The following PLCB1 variants were observed in gnomAD, a reference collection of about 807,000 sequenced individuals.
PLCB1 encodes phospholipase C beta 1.
A neutral mutation model predicts 161.8 loss-of-function variants in PLCB1; 46 were observed. The observed-to-expected ratio is 0.28, with a 90% CI of 0.22 to 0.36. The LOEUF (loss-of-function observed/expected upper bound fraction) is 0.36. PLCB1 is among the 10% of genes least tolerant of loss of function. The pLI, the probability that PLCB1 is intolerant of heterozygous loss-of-function variation, is 1.00. For synonymous variants in PLCB1, 517 were observed against 503.7 expected (o/e 1.03, Z -0.35); for missense variants, 1,016 against 1,472.5 (o/e 0.69, Z 5.07).
chr20:8,297,892 GTTT>G (rs749268293), intron 2 of PLCB1, among the ~76,000 whole-genome samples: 1 of 132,704 alleles, frequency 7.5e-6, no homozygotes, highest in Admixed American at 7.7e-5. Flanking sequence ...TTCTTTTTGG[GTTT>G]TTTTTTTTTT....
intron 4 of PLCB1, among the ~76,000 whole-genome samples, chr20:8,635,293 A>G (rs147694382): frequency 2.6e-5 from 4 of 152,232 alleles, no homozygotes; most frequent in African/African-American, 7.2e-5. Context: ...AAGGGGAAGG[A>G]GAAGGGAAAG....
At chr20:8,260,990 G>A (rs6133560) in intron 2 of PLCB1, among the ~76,000 whole-genome samples, 1 of 152,072 alleles carries the variant, frequency 6.6e-6, no homozygotes, top group Admixed American at 6.6e-5. Flanking sequence ...AGAAAGCACG[G>A]CTGCCTTGCC....
At chr20:8,533,477 C>A (rs1429096677) in intron 3 of PLCB1, among the ~76,000 whole-genome samples, 2 of 152,096 alleles carry the variant, frequency 1.3e-5, no homozygotes, top group African/African-American at 4.8e-5. Context: ...TACAGTCCCA[C>A]CAACAGTGTA....
At chr20:8,437,648 A>G (rs1600399916) in intron 3 of PLCB1, among the ~76,000 whole-genome samples, 1 of 152,174 alleles carries the variant, frequency 6.6e-6, no homozygotes, top group East Asian at 1.9e-4. Flanking sequence ...TATTTCTACC[A>G]TTATTTGTAC....
At chr20:8,568,998 T>C (rs1373114543) in intron 3 of PLCB1, among the ~76,000 whole-genome samples, 2 of 152,182 alleles carry the variant, frequency 1.3e-5, no homozygotes, top group African/African-American at 4.8e-5. Context: ...CTTACTGTTA[T>C]CCCACATGAG....
chr20:8,374,858 C>T (rs1236968847), intron 3 of PLCB1, among the ~76,000 whole-genome samples: 1 of 152,098 alleles, frequency 6.6e-6, no homozygotes, highest in South Asian at 2.1e-4. Flanking sequence ...TACCCAGGCA[C>T]CCCACAAATA....
At chr20:8,426,804 A>G (rs558675203) in intron 3 of PLCB1, among the ~76,000 whole-genome samples, 1 of 152,358 alleles carries the variant, frequency 6.6e-6, no homozygotes, top group South Asian at 2.1e-4. Flanking sequence ...TAAACCTCAA[A>G]TATATACAAT....
chr20:8,741,375 C>A, intron 22 of PLCB1, 89 bp from the exon 23 acceptor site: 2 of 829,688 alleles, frequency 2.4e-6, no homozygotes, highest in Non-Finnish European at 2.0e-6. Flanking sequence ...AATGCATGGA[C>A]TGATGGTCAG....
At chr20:8,572,521 A>G (rs1053656441) in intron 3 of PLCB1, among the ~76,000 whole-genome samples, 6 of 152,226 alleles carry the variant, frequency 3.9e-5, no homozygotes, top group African/African-American at 1.4e-4. Context: ...CTGGAGATGT[A>G]ACACTTTTAT....
intron 4 of PLCB1, among the ~76,000 whole-genome samples, chr20:8,630,016 C>CTTTT (rs1988531584): frequency 1.1e-5 from 1 of 90,598 alleles, no homozygotes; most frequent in Non-Finnish European, 2.2e-5. Context: ...CTTTCTCTTT[C>CTTTT]TTCTTTCCTT....
chr20:8,746,743 A>G (rs1222103851), intron 23 of PLCB1, among the ~76,000 whole-genome samples: 1 of 152,240 alleles, frequency 6.6e-6, no homozygotes, highest in Non-Finnish European at 1.5e-5. Context: ...TAAGGCACTG[A>G]GGAGTTAAAT....
At chr20:8,431,123 T>C (rs1160965169) in intron 3 of PLCB1, among the ~76,000 whole-genome samples, 8 of 152,098 alleles carry the variant, frequency 5.3e-5, no homozygotes, top group African/African-American at 1.9e-4. Context: ...CAAACTTACA[T>C]TGTCATCTTC....
intron 3 of PLCB1, among the ~76,000 whole-genome samples, chr20:8,513,981 A>C (rs2122859232): frequency 6.6e-6 from 1 of 152,152 alleles, no homozygotes; most frequent in East Asian, 1.9e-4. Flanking sequence ...AGCCAAGATC[A>C]TGCCACCCCA....
chr20:8,134,521 AG>A (rs1261492526), intron 1 of PLCB1, among the ~76,000 whole-genome samples: 1 of 152,246 alleles, frequency 6.6e-6, no homozygotes, highest in Admixed American at 6.5e-5. Context: ...TGGTATATCC[AG>A]GTAGATGACT....
intron 2 of PLCB1, among the ~76,000 whole-genome samples, chr20:8,358,841 A>G (rs1986448277): frequency 6.6e-6 from 1 of 152,042 alleles, no homozygotes; most frequent in Middle Eastern, 3.4e-3. Flanking sequence ...TCTGTTTCTC[A>G]TCCTTTAACT....
At chr20:8,419,048 T>C (rs1979424876) in intron 3 of PLCB1, among the ~76,000 whole-genome samples, 1 of 152,218 alleles carries the variant, frequency 6.6e-6, no homozygotes, top group Admixed American at 6.5e-5. Context: ...CTAATGATCA[T>C]GTAAGCGTTC....
chr20:8,178,765 C>T (rs6055598), intron 2 of PLCB1, among the ~76,000 whole-genome samples: 44,394 of 151,798 alleles, frequency 0.29, 7,968 homozygotes, highest in African/African-American at 0.51. Context: ...TTACAGTTTT[C>T]GGTTTTACGT....
chr20:8,202,418 A>G (rs1485191647), intron 2 of PLCB1, among the ~76,000 whole-genome samples: 2 of 152,106 alleles, frequency 1.3e-5, no homozygotes, highest in Non-Finnish European at 2.9e-5. Flanking sequence ...CTTACTTTTT[A>G]TTCCTGTTAA....
At chr20:8,662,988 T>A (rs1989723025) in intron 9 of PLCB1, among the ~76,000 whole-genome samples, 1 of 152,066 alleles carries the variant, frequency 6.6e-6, no homozygotes, top group Non-Finnish European at 1.5e-5. Flanking sequence ...CATTATAATT[T>A]ATTCTTCTGC....
Sources: gnomAD v4.1 joint callset for allele counts (sites outside exome capture counted in the v4.1 genomes callset) on GRCh38, gnomAD v4.1.1 for gene constraint, MANE v1.5 for transcripts, NCBI Gene and HGNC (gene_info 2026-07-23, HGNC 2026-07-21) for gene names.